Variants in FGF12 observed in about 807,000 individuals in gnomAD.
The protein encoded by FGF12 is fibroblast growth factor 12.
FGF12 carries 14 observed loss-of-function variants against 23.6 expected under a neutral mutation model. That is an observed-to-expected ratio of 0.59 (90% CI 0.39 to 0.93). FGF12 has a LOEUF of 0.93. Among genes scored for constraint, FGF12 ranks in the 40% least tolerant of loss-of-function variants. FGF12 has a pLI of 0.00. For synonymous variants in FGF12, 62 were observed against 77.3 expected (o/e 0.80, Z 1.04); for missense variants, 175 against 217.8 (o/e 0.80, Z 1.24).
chr3:192,232,310 C>T (rs1423718971), intron 4 of FGF12, among the ~76,000 whole-genome samples: 1 of 152,080 alleles, frequency 6.6e-6, no homozygotes, highest in Non-Finnish European at 1.5e-5. Context: ...TATGATACTT[C>T]TTGCTCTCTA....
chr3:192,364,488 C>A (rs1362323661), intron 2 of FGF12, among the ~76,000 whole-genome samples: 1 of 152,122 alleles, frequency 6.6e-6, no homozygotes, highest in African/African-American at 2.4e-5. Flanking sequence ...TTTTTCTGGG[C>A]ACCCAGCTAG....
chr3:192,410,332 T>A (rs1256600404), intron 2 of FGF12, among the ~76,000 whole-genome samples: 1 of 148,442 alleles, frequency 6.7e-6, no homozygotes, highest in African/African-American at 2.5e-5. Flanking sequence ...CTCTACGCAA[T>A]CCTACGTGAT....
chr3:192,491,836 T>C (rs1395547644), intron 2 of FGF12, among the ~76,000 whole-genome samples: 2 of 152,150 alleles, frequency 1.3e-5, no homozygotes, highest in African/African-American at 4.8e-5. Flanking sequence ...CAGGTAATTA[T>C]GCACACTGGC....
intron 2 of FGF12, among the ~76,000 whole-genome samples, chr3:192,482,997 A>ATT (rs1209948607): frequency 6.6e-6 from 1 of 152,158 alleles, no homozygotes; most frequent in Admixed American, 6.5e-5. Context: ...AATAGAATTT[A>ATT]TAGTCTTCTA....
chr3:192,432,765 C>T (rs1040957484), intron 2 of FGF12, among the ~76,000 whole-genome samples: 3 of 152,144 alleles, frequency 2.0e-5, no homozygotes, highest in Non-Finnish European at 4.4e-5. Context: ...GAACCAACAG[C>T]ACGGCAAACA....
rs116280376 is a variant in FGF12 at position 192,493,657 on chromosome 3, C to T, written c.14-133119G>A. On this transcript the variant is annotated intron_variant, in intron 2 of 5. Transcript: ENST00000445105. Reference sequence around the variant, plus strand: ...GGAGGCCTCAGGAAACTTACAATCACGGCAGAAGGTAAAGGGGGAGCAAGT... The same window carrying T: ...GGAGGCCTCAGGAAACTTACAATCATGGCAGAAGGTAAAGGGGGAGCAAGT... Among the ~76,000 whole-genome samples, 584 of 152,146 alleles carry T rather than the reference C, an allele frequency of 3.8e-3. 2 individuals are homozygous for T. The highest frequency in any genetic ancestry group is 0.014 in the African/African-American group (562 of 41,524).
chr3:192,617,154 T>A (rs1295398965), intron 2 of FGF12, among the ~76,000 whole-genome samples: 1 of 152,120 alleles, frequency 6.6e-6, no homozygotes, highest in African/African-American at 2.4e-5. Context: ...GTGATGTATG[T>A]GGGTCCACAA....
chr3:192,324,200 T>C (rs1716698223), intron 4 of FGF12, among the ~76,000 whole-genome samples: 1 of 152,036 alleles, frequency 6.6e-6, no homozygotes, highest in African/African-American at 2.4e-5. Flanking sequence ...AATAATAAAA[T>C]GCAACTCTCT....
chr3:192,515,894 T>A (rs529925227), intron 2 of FGF12, among the ~76,000 whole-genome samples: 168 of 151,302 alleles, frequency 1.1e-3, no homozygotes, highest in African/African-American at 3.9e-3. Context: ...TGAGTAAGCA[T>A]GGGAAGAATG....
At chr3:192,305,676 AAAAAT>A (rs1490291454) in intron 4 of FGF12, among the ~76,000 whole-genome samples, 3 of 126,472 alleles carry the variant, frequency 2.4e-5, no homozygotes, top group African/African-American at 1.0e-4. Flanking sequence ...GAAAAAAAAA[AAAAAT>A]ATATATATAT....
At position 192,467,222 on chromosome 3, in the gene FGF12, TG is replaced by T. The variant is rs1723037212; in HGVS notation, c.14-106685del. On this transcript the variant is annotated intron_variant, in intron 2 of 5. Transcript: ENST00000445105. ...TGTCGGAAAATTAATTTCAACTGCA[TG>T]GGCCTGGGTTCTGCTCCTAATTCTC... is the stretch of plus-strand genomic sequence containing the variant. Among the ~76,000 whole-genome samples, 3 of 152,188 alleles carry T rather than the reference TG, an allele frequency of 2.0e-5. No homozygotes were observed. The South Asian group carries it at 6.2e-4, about 32-fold the overall frequency.
intron 2 of FGF12, among the ~76,000 whole-genome samples, chr3:192,443,841 G>C (rs1035946818): frequency 4.6e-5 from 7 of 152,116 alleles, no homozygotes; most frequent in African/African-American, 1.7e-4. Context: ...CACACACAAG[G>C]TTCTGTAGCT....
chr3:192,357,878 A>G (rs1309773455), intron 3 of FGF12, among the ~76,000 whole-genome samples: 1 of 152,242 alleles, frequency 6.6e-6, no homozygotes, highest in Non-Finnish European at 1.5e-5. Context: ...CAACACCTAT[A>G]AGACAGATCT....
intron 2 of FGF12, among the ~76,000 whole-genome samples, chr3:192,706,684 C>T (rs7639066): frequency 0.037 from 5,578 of 152,248 alleles, 366 homozygotes; most frequent in African/African-American, 0.13. Flanking sequence ...ATATTTACCT[C>T]CGCTTACAAC....
At chr3:192,467,246 C>G (rs1216930594) in intron 2 of FGF12, among the ~76,000 whole-genome samples, 3 of 152,260 alleles carry the variant, frequency 2.0e-5, no homozygotes, top group African/African-American at 7.2e-5. Flanking sequence ...GCTCCTAATT[C>G]TCCCACTGAT....
At chr3:192,373,527 T>C (rs1173066559) in intron 2 of FGF12, among the ~76,000 whole-genome samples, 1 of 152,252 alleles carries the variant, frequency 6.6e-6, no homozygotes, top group Non-Finnish European at 1.5e-5. Context: ...AAAATTTCAG[T>C]TAAATTATAA....
intron 4 of FGF12, among the ~76,000 whole-genome samples, chr3:192,178,935 C>G (rs1352955913): frequency 6.6e-6 from 1 of 152,236 alleles, no homozygotes; most frequent in Non-Finnish European, 1.5e-5. Context: ...ACTCCAGAGA[C>G]AGAGTCCTTT....
At chr3:192,351,935 T>C (rs1035005962) in intron 3 of FGF12, among the ~76,000 whole-genome samples, 4 of 152,096 alleles carry the variant, frequency 2.6e-5, no homozygotes, top group Admixed American at 1.3e-4. Flanking sequence ...CTGGATAAGA[T>C]TGGCAAAGAC....
intron 2 of FGF12, among the ~76,000 whole-genome samples, chr3:192,592,345 GGT>G (rs1713661189): frequency 4.0e-5 from 6 of 151,822 alleles, no homozygotes; most frequent in African/African-American, 7.2e-5. Context: ...CCTGGTTCTA[GGT>G]ATTGGAATCC....
Sources: allele counts gnomAD v4.1 joint callset (sites outside exome capture counted in the v4.1 genomes callset), GRCh38; gene constraint gnomAD v4.1.1; transcripts MANE v1.5; gene names NCBI Gene and HGNC (gene_info 2026-07-23, HGNC 2026-07-21).